RNF128: variants seen among roughly 807,000 people sequenced by gnomAD.
The protein encoded by RNF128 is E3 ubiquitin-protein ligase RNF128.
Under a neutral mutation model 26.2 loss-of-function variants are expected in RNF128, and 13 were observed. The observed-to-expected ratio is 0.50, with a 90% confidence interval of 0.32 to 0.79. The LOEUF (loss-of-function observed/expected upper bound fraction) is 0.79. Ranked by LOEUF, RNF128 falls within the 30% of genes least tolerant of loss-of-function variation. The probability of loss-of-function intolerance (pLI) is 0.03; values close to 1 mark genes in which losing one functional copy is unlikely to be tolerated. For missense variants in RNF128, 315 were observed against 349.7 expected, an observed-to-expected ratio of 0.90 and a Z score of 0.79; for synonymous variants, 149 against 142.5, an observed-to-expected ratio of 1.05 and a Z score of -0.32.
chrX:106,759,628 T>A (rs149363795), intron 1 of RNF128, among the ~76,000 whole-genome samples: 1 of 111,986 alleles, frequency 8.9e-6, no homozygotes, highest in Non-Finnish European at 1.9e-5. Flanking sequence ...TTCCTGTCAT[T>A]TGCAACAACA....
rs964723858 is a variant in RNF128, at chrX:106,796,129, G to T, written c.*416G>T. ...TACATGTGTCAGGGTTTTTCTCCAG[G>T]TGCTTATATTGATCTGGAATTGTAA... On this transcript the variant is annotated 3_prime_UTR_variant, in exon 7 of 7. Coordinates refer to ENST00000255499, the MANE Select transcript of RNF128 (RefSeq NM_194463.2). 1.8e-5 allele frequency: 2 copies of T among 112,474 alleles called. No homozygotes were observed. Among genetic ancestry groups the T allele is most frequent in the African/African-American group, 6.5e-5 (2 of 30,838 alleles). The allele number at this position is 112,474 out of a possible 1,213,427, so 9.3% of individuals were successfully genotyped here. A position where few individuals can be genotyped will look rare whatever the true frequency, so the allele number is the denominator to read the frequency against.
At chrX:106,754,913 A>T (rs2147683448) in intron 1 of RNF128, among the ~76,000 whole-genome samples, 1 of 111,801 alleles carries the variant, frequency 8.9e-6, no homozygotes, top group African/African-American at 3.2e-5. Context: ...TAGTAGAAGA[A>T]AAGAATTAAT....
intron 1 of RNF128, among the ~76,000 whole-genome samples, chrX:106,762,925 T>C (rs1276194237): frequency 9.2e-6 from 1 of 109,186 alleles, no homozygotes; most frequent in African/African-American, 3.3e-5. Context: ...GCTTATTACA[T>C]GGATGATGAA....
In RNF128 at chrX:106,773,014, G is replaced by A; in HGVS notation, c.586G>A (p.Gly196Arg). 8.3e-7 allele frequency: 1 copy of A among 1,211,225 alleles called. No homozygotes were observed. The highest frequency in any genetic ancestry group is 1.1e-6 in the Non-Finnish European group (1 of 895,321). ...ACAAGTGACAATGGTCATAGAAGTAGGGAAAAAACATGGCCCTTGGGTGAA... is the reference window on the plus strand; with the variant it reads ...ACAAGTGACAATGGTCATAGAAGTAAGGAAAAAACATGGCCCTTGGGTGAA... Reference protein sequence around the residue: ...GIQVTMVIEVGKKHGPWVNHY... With the variant: ...GIQVTMVIEVRKKHGPWVNHY... Residue 196 changes from glycine (G) to arginine (R), a missense_variant, in exon 2 of 7, where the codon GGG becomes AGG. Coordinates refer to ENST00000255499, the MANE Select transcript of RNF128 (RefSeq NM_194463.2).
chrX:106,714,048 C>G (rs1019860146), intron 1 of RNF128, among the ~76,000 whole-genome samples: 1 of 109,651 alleles, frequency 9.1e-6, no homozygotes, highest in African/African-American at 3.3e-5. Context: ...GTGGCAGGCA[C>G]TCCCCAGTAG....
chrX:106,787,776 A>G, intron 3 of RNF128, 142 bp from the exon 4 acceptor site: 2 of 376,042 alleles, frequency 5.3e-6, no homozygotes, highest in Non-Finnish European at 9.1e-6. Flanking sequence ...GGAACTTTAC[A>G]GTTACATAAT....
intron 4 of RNF128, 119 bp downstream of exon 4, chrX:106,788,119 T>G (rs1930690129): frequency 2.6e-6 from 1 of 377,572 alleles, no homozygotes; most frequent in African/African-American, 2.9e-5. Flanking sequence ...ATTTTTTAAC[T>G]TATCTTCATT....
intron 1 of RNF128, among the ~76,000 whole-genome samples, chrX:106,755,998 A>G (rs1252333899): frequency 1.8e-5 from 2 of 110,597 alleles, no homozygotes; most frequent in African/African-American, 6.6e-5. Flanking sequence ...TGCTTCAAAG[A>G]GAATAAAATA....
intron 1 of RNF128, among the ~76,000 whole-genome samples, chrX:106,710,898 A>G (rs1344182106): frequency 9.0e-6 from 1 of 111,332 alleles, no homozygotes; most frequent in Admixed American, 9.6e-5. Flanking sequence ...TTCTGAAGCT[A>G]TAAGCAGAAA....
chrX:106,757,557 G>T (rs1156608516), intron 1 of RNF128, among the ~76,000 whole-genome samples: 3 of 75,713 alleles, frequency 4.0e-5, no homozygotes, highest in African/African-American at 1.5e-4. Context: ...ACACAGGAAG[G>T]GGAATATCAC....
At chrX:106,757,701 A>T (rs1030730365) in intron 1 of RNF128, among the ~76,000 whole-genome samples, 1 of 105,901 alleles carries the variant, frequency 9.4e-6, no homozygotes, top group Non-Finnish European at 1.9e-5. Flanking sequence ...AACCTGCACA[A>T]TGTGCACATG....
At chrX:106,789,615 G>A (rs1294068320) in intron 4 of RNF128, among the ~76,000 whole-genome samples, 2 of 103,189 alleles carry the variant, frequency 1.9e-5, no homozygotes, top group Non-Finnish European at 4.0e-5. Context: ...GACAGTACTG[G>A]ATTAATGTTA....
At chrX:106,698,583 A>T (rs970279301) in intron 1 of RNF128, among the ~76,000 whole-genome samples, 3 of 111,622 alleles carry the variant, frequency 2.7e-5, no homozygotes, top group African/African-American at 9.8e-5. Flanking sequence ...AAAACTAATC[A>T]GTTGCATTTC....
chrX:106,708,239 G>T (rs2147660200), intron 1 of RNF128, among the ~76,000 whole-genome samples: 1 of 111,681 alleles, frequency 9.0e-6, no homozygotes, highest in Admixed American at 9.5e-5. Context: ...GCTGGCAGTT[G>T]GAGACATGAC....
At chrX:106,751,369 C>G (rs1489445974) in intron 1 of RNF128, among the ~76,000 whole-genome samples, 1 of 110,543 alleles carries the variant, frequency 9.0e-6, no homozygotes, top group Non-Finnish European at 1.9e-5. Context: ...GTGCCCATAC[C>G]CATGGAGGGA....
intron 1 of RNF128, among the ~76,000 whole-genome samples, chrX:106,719,212 A>T (rs1286941449): frequency 9.6e-5 from 8 of 83,242 alleles, no homozygotes; most frequent in Non-Finnish European, 1.8e-4. Flanking sequence ...AAAAAAAAAA[A>T]TTACTGCCCA....
chrX:106,738,043 G>A (rs191279724), intron 1 of RNF128, among the ~76,000 whole-genome samples: 7 of 111,879 alleles, frequency 6.3e-5, no homozygotes, highest in Admixed American at 4.8e-4. Context: ...ATCATTTGAT[G>A]GTAAGGAAAG....
chrX:106,719,324 G>A (rs995125359), intron 1 of RNF128, among the ~76,000 whole-genome samples: 3 of 110,618 alleles, frequency 2.7e-5, no homozygotes, highest in Non-Finnish European at 5.7e-5. Flanking sequence ...GGGTTCAAGT[G>A]ATTCTCCTGT....
At chrX:106,747,802 C>T (rs1929814269) in intron 1 of RNF128, among the ~76,000 whole-genome samples, 1 of 112,099 alleles carries the variant, frequency 8.9e-6, no homozygotes, top group South Asian at 3.7e-4. Context: ...TTATTTTCTA[C>T]TACTGGCCAT....
Sources: allele counts gnomAD v4.1 joint callset (sites outside exome capture counted in the v4.1 genomes callset), GRCh38; gene constraint gnomAD v4.1.1; transcripts MANE v1.5; gene names NCBI Gene and HGNC (gene_info 2026-07-23, HGNC 2026-07-21).